SPNS2: variants seen among roughly 807,000 people sequenced by gnomAD.
SPNS2 encodes SPNS lysolipid transporter 2, sphingosine-1-phosphate, also known as sphingosine-1-phosphate transporter SPNS2.
A neutral mutation model predicts 57.6 loss-of-function variants in SPNS2; 37 were observed. The ratio of observed to expected loss-of-function variants is 0.64; its 90% CI spans 0.49 to 0.85. SPNS2 has a LOEUF of 0.85. SPNS2 is among the 40% of genes least tolerant of loss of function. The pLI, the probability that SPNS2 is intolerant of heterozygous loss-of-function variation, is 0.00. For synonymous variants in SPNS2, 440 were observed against 346.9 expected (o/e 1.27, Z -2.98); for missense variants, 831 against 779.1 (o/e 1.07, Z -0.79).
In SPNS2 at chr17:4,533,803, G is replaced by A. The variant is rs763095181; in HGVS notation, c.1294G>A (p.Gly432Arg). ...TCCCCGGCAGATCTGTATCTTCGTCGGGGAGACGCTGCTGTTTTCTAACTG... is the reference window on the plus strand; with the variant it reads ...TCCCCGGCAGATCTGTATCTTCGTCAGGGAGACGCTGCTGTTTTCTAACTG... ...IVGAYICIFV[G>R]ETLLFSNWAI... Residue 432 changes from glycine (G) to arginine (R), a missense_variant, in exon 9 of 13, where the codon GGG becomes AGG. This residue lies in a region of SPNS2 where 526 missense variants were observed against 400.9 expected (regional missense o/e 1.31). Transcript: ENST00000329078. 9.9e-6 allele frequency: 16 copies of A among 1,613,556 alleles called. No homozygotes were observed. The highest frequency in any genetic ancestry group is 1.6e-4 in the Middle Eastern group (1 of 6,084).
Position 4,536,435 on chromosome 17 carries a change from G to GGGGGA in SPNS2, c.1607+17_1607+21dup, listed in dbSNP as rs1555538186. On this transcript the variant is annotated intron_variant, in intron 11 of 12. Coordinates refer to ENST00000329078, the MANE Select transcript of SPNS2 (RefSeq NM_001124758.3). The stretch of plus-strand genomic sequence containing the variant: ...GCCAGGGCTGAGCAGCAGTGAGTGG[G>GGGGGA]GGGGAGGGGAGGCCCTGCTGCACCG... 1 of 1,591,948 alleles carries GGGGGA rather than the reference G, an allele frequency of 6.3e-7. No homozygotes were observed. The highest frequency in any genetic ancestry group is 8.5e-7 in the Non-Finnish European group (1 of 1,174,960).
At chr17:4,531,608 G>A (rs761520570) in intron 5 of SPNS2, among the ~76,000 whole-genome samples, 2 of 152,280 alleles carry the variant, frequency 1.3e-5, no homozygotes, top group African/African-American at 2.4e-5. Flanking sequence ...CTCGTCTCTC[G>A]GAGGAGCGGA....
chr17:4,531,232 C>A (rs2144362556), intron 5 of SPNS2, 113 bp downstream of exon 5: 3 of 927,668 alleles, frequency 3.2e-6, no homozygotes, highest in South Asian at 1.5e-5. Context: ...CCTCCCCTGG[C>A]TGCGTGGACT....
intron 1 of SPNS2, among the ~76,000 whole-genome samples, chr17:4,509,893 C>G (rs935503882): frequency 6.6e-6 from 1 of 152,196 alleles, no homozygotes; most frequent in Non-Finnish European, 1.5e-5. Flanking sequence ...GCACGCCTGG[C>G]GGGGTGGGCT....
chr17:4,531,013 CCT>C (rs755355512), intron 4 of SPNS2, 38 bp from the exon 5 acceptor site: 101 of 1,610,232 alleles, frequency 6.3e-5, no homozygotes, highest in East Asian at 3.1e-4. Flanking sequence ...GTCCCCAGCC[CCT>C]GTCTCTGCTC....
chr17:4,522,035 C>T lies in SPNS2; in HGVS notation c.437-3022C>T, dbSNP rs142773757. Among the ~76,000 whole-genome samples the T allele has an allele frequency of 1.8e-4, 27 of 152,304 alleles. No individual in the cohort carries two copies. In the East Asian group the frequency reaches 3.9e-3, roughly 22 times the overall value. Reference sequence around the variant, plus strand: ...CCAACATGGCAAAACCTTGTCTCTACTAAACATTCAAAAATTAGCCGGGCG... The same window carrying T: ...CCAACATGGCAAAACCTTGTCTCTATTAAACATTCAAAAATTAGCCGGGCG... On this transcript the variant is annotated intron_variant, in intron 2 of 12. Transcript: ENST00000329078.
rs917303684 is a variant in SPNS2, at chr17:4,498,912, C to T, written c.-136C>T. 2.4e-5 allele frequency: 9 copies of T among 375,066 alleles called. No homozygotes were observed. Among genetic ancestry groups the T allele is most frequent in the South Asian group, 1.1e-4 (1 of 9,330 alleles). 23.2% of individuals were successfully genotyped at this position (375,066 alleles called of 1,614,324 possible). Reference sequence around the variant, plus strand: ...AGCTGAGCGGTGGCAGCGCCGCAGCCGGGGCCGGAGCGCAGGAGCCGACGG... The same window carrying T: ...AGCTGAGCGGTGGCAGCGCCGCAGCTGGGGCCGGAGCGCAGGAGCCGACGG... On this transcript the variant is annotated 5_prime_UTR_variant, in exon 1 of 13. Coordinates refer to ENST00000329078, the MANE Select transcript of SPNS2 (RefSeq NM_001124758.3).
At chr17:4,516,339 A>AC (rs1904992318) in intron 2 of SPNS2, among the ~76,000 whole-genome samples, 1 of 131,994 alleles carries the variant, frequency 7.6e-6, no homozygotes, top group African/African-American at 2.8e-5. Flanking sequence ...AAAAAAAAAA[A>AC]AAAACAAAAA....
chr17:4,517,693 A>AT (rs1567590424), intron 2 of SPNS2, among the ~76,000 whole-genome samples: 1 of 152,098 alleles, frequency 6.6e-6, no homozygotes, highest in Non-Finnish European at 1.5e-5. Flanking sequence ...GTTCTCCCTC[A>AT]TTTTTTTGAG....
chr17:4,538,789 C>A lies in SPNS2; in HGVS notation c.*1341C>A. The A allele has an allele frequency of 1.3e-6, 1 of 751,886 alleles. No individual in the cohort carries two copies. The allele number at this position is 751,886 out of a possible 1,614,324, so 46.6% of individuals were successfully genotyped here. A position where few individuals can be genotyped will look rare whatever the true frequency, so the allele number is the denominator to read the frequency against. ...CCAAGCTCTGGGGTACCCCGAGGGCCTGACAAGAGGATGGGGTGGGGGTGG... is the reference window on the plus strand; with the variant it reads ...CCAAGCTCTGGGGTACCCCGAGGGCATGACAAGAGGATGGGGTGGGGGTGG... On this transcript the variant is annotated 3_prime_UTR_variant, in exon 13 of 13. Coordinates refer to ENST00000329078, the MANE Select transcript of SPNS2 (RefSeq NM_001124758.3).
chr17:4,526,883 C>T (rs572443307), intron 3 of SPNS2, among the ~76,000 whole-genome samples: 73 of 152,306 alleles, frequency 4.8e-4, no homozygotes, highest in Non-Finnish European at 6.6e-4. Context: ...TCAGGTAAAG[C>T]TCCAGGCCCA....
intron 5 of SPNS2, 101 bp from the exon 6 acceptor site, chr17:4,532,441 C>T: frequency 2.6e-6 from 4 of 1,543,416 alleles, no homozygotes; most frequent in South Asian, 2.3e-5. Flanking sequence ...AGAGGAGAAG[C>T]CTATGGCCCA....
At chr17:4,518,053 G>A (rs536849011) in intron 2 of SPNS2, among the ~76,000 whole-genome samples, 22 of 152,236 alleles carry the variant, frequency 1.4e-4, no homozygotes, top group African/African-American at 4.8e-4. Flanking sequence ...TGCCTGACTC[G>A]AGTGGCCTGT....
intron 2 of SPNS2, among the ~76,000 whole-genome samples, chr17:4,515,973 C>T (rs554111125): frequency 1.2e-4 from 18 of 152,302 alleles, no homozygotes; most frequent in African/African-American, 3.8e-4. Flanking sequence ...CCCCTGGACC[C>T]CCTGCAGGAG....
At chr17:4,509,319 G>C (rs955718247) in intron 1 of SPNS2, among the ~76,000 whole-genome samples, 3 of 152,180 alleles carry the variant, frequency 2.0e-5, no homozygotes, top group African/African-American at 7.2e-5. Context: ...CCACGCCTGT[G>C]GTCCCAGCTA....
chr17:4,518,478 G>A (rs1474613963), intron 2 of SPNS2, among the ~76,000 whole-genome samples: 1 of 152,218 alleles, frequency 6.6e-6, no homozygotes. Flanking sequence ...AGCCGAGATC[G>A]CGCCACTGCA....
rs576084596 is a variant in SPNS2, at chr17:4,510,915, G to A, written c.371-2332G>A. On this transcript the variant is annotated intron_variant, in intron 1 of 12. Transcript: ENST00000329078. This position sits in a 1 kb window ranked among gnomAD's most constrained non-coding sequence, Gnocchi z 4.4. ...GCTTTGGTTTTTGGCAATAGACCTCGTTTCAGATCTCACCTCCAAAACAGA... is the reference window on the plus strand; with the variant it reads ...GCTTTGGTTTTTGGCAATAGACCTCATTTCAGATCTCACCTCCAAAACAGA... Among the ~76,000 whole-genome samples the A allele has an allele frequency of 2.6e-5, 4 of 152,298 alleles. No individual in the cohort carries two copies. Among genetic ancestry groups the A allele is most frequent in the South Asian group, 2.1e-4 (1 of 4,824 alleles).
chr17:4,535,938 C>G (rs930301683), intron 9 of SPNS2, 138 bp from the exon 10 acceptor site: 1 of 677,838 alleles, frequency 1.5e-6, no homozygotes, highest in African/African-American at 1.8e-5. Context: ...GGGCAGGGCC[C>G]AGGGGAGAGA....
At position 4,530,733 on chromosome 17, in the gene SPNS2, C is replaced by T. The variant is rs1050755851; in HGVS notation, c.675C>T (p.Asn225=). ...TCATTGGCGACCTCTTCACCAAGAA[C>T]ACGCGTACGCTCATGCTGTCCGTCT... is the stretch of plus-strand genomic sequence containing the variant. The part of the protein sequence containing the change: ...PTIIGDLFTK[N]TRTLMLSVFY... The change falls in exon 4 of 13, where the codon AAC becomes AAT. Residue 225 remains asparagine, a synonymous_variant. Transcript: ENST00000329078. 6.2e-7 allele frequency: 1 copy of T among 1,614,098 alleles called. No homozygotes were observed. The highest frequency in any genetic ancestry group is 1.1e-5 in the South Asian group (1 of 91,076).
Sources: allele counts gnomAD v4.1 joint callset (sites outside exome capture counted in the v4.1 genomes callset), GRCh38; gene constraint gnomAD v4.1.1; regional missense constraint gnomAD v4.1.1; non-coding constraint Gnocchi (gnomAD v3.1); transcripts MANE v1.5; gene names NCBI Gene and HGNC (gene_info 2026-07-23, HGNC 2026-07-21).